The following ZNF654 variants were observed in gnomAD, a reference collection of about 807,000 sequenced individuals.
The protein encoded by ZNF654 is melanoma-associated antigen.
A neutral mutation model predicts 95.3 loss-of-function variants in ZNF654; 19 were observed. The observed-to-expected ratio is 0.20, with a 90% CI of 0.14 to 0.29. The LOEUF (loss-of-function observed/expected upper bound fraction) is 0.29. Among genes scored for constraint, ZNF654 ranks in the 10% least tolerant of loss-of-function variants. ZNF654 has a pLI of 1.00. For missense variants in ZNF654, 1,046 were observed against 1,341.0 expected (o/e 0.78, Z 3.44); for synonymous variants, 413 against 457.9 (o/e 0.90, Z 1.25).
In ZNF654 at chr3:88,135,170, A is replaced by G. The variant is rs777076314; in HGVS notation, c.1003A>G (p.Ile335Val). ...AAGAACAGCAACTAATGTGAGAGTC[A>G]TATTTCCTTTCATGAAAATCATCAA... is the stretch of plus-strand genomic sequence containing the variant. ...LLRTATNVRVIFPFMKIIKDE... is the reference protein window; with the variant it reads ...LLRTATNVRVVFPFMKIIKDE... The change falls in exon 7 of 9, where the codon ATA (isoleucine) becomes GTA (valine). Residue 335 changes from isoleucine to valine, a missense_variant. Physicochemically the swap from Ile to Val is conservative, Grantham distance 29 (BLOSUM62 3). Coordinates refer to ENST00000636215, the MANE Select transcript of ZNF654 (RefSeq NM_001350134.2). 7.4e-6 allele frequency: 11 copies of G among 1,482,026 alleles called. No homozygotes were observed. The Middle Eastern group carries it at 6.8e-4, about 92-fold the overall frequency. The allele number at this position is 1,482,026 out of a possible 1,614,324, so 91.8% of individuals were successfully genotyped here.
At position 88,129,822 on chromosome 3, in the gene ZNF654, A is replaced by G. The variant is rs1370630515; in HGVS notation, c.889A>G (p.Ile297Val). Residue 297 changes from isoleucine to valine, a missense_variant, in exon 6 of 9, where the codon ATC (isoleucine) becomes GTC (valine). Coordinates refer to ENST00000636215, the MANE Select transcript of ZNF654 (RefSeq NM_001350134.2). ...GCTCCAGAATGGGGATATGTACTGT[A>G]TCTGGTAAGTGTTTGTAAATAAAGA... ...PQLQNGDMYC[I>V]WELIFIWSKL... 76 of 1,463,432 alleles carry G rather than the reference A, an allele frequency of 5.2e-5. No individual in the cohort carries two copies. In the East Asian group the frequency reaches 8.5e-4, roughly 16 times the overall value. The allele number at this position is 1,463,432 out of a possible 1,614,324, so 90.7% of individuals were successfully genotyped here.
intron 1 of ZNF654, among the ~76,000 whole-genome samples, chr3:88,077,855 G>A (rs1028723068): frequency 1.3e-5 from 2 of 152,164 alleles, no homozygotes; most frequent in African/African-American, 4.8e-5. Context: ...TTGTTTTTTA[G>A]TGTAGAAGTA....
At chr3:88,116,927 A>T (rs1705444643) in intron 3 of ZNF654, among the ~76,000 whole-genome samples, 1 of 152,208 alleles carries the variant, frequency 6.6e-6, no homozygotes, top group Non-Finnish European at 1.5e-5. Context: ...CTAGGTAAAG[A>T]TGACTAAAGA....
chr3:88,130,146 A>G (rs1006587875), intron 6 of ZNF654, among the ~76,000 whole-genome samples: 2 of 152,192 alleles, frequency 1.3e-5, no homozygotes, highest in African/African-American at 4.8e-5. Context: ...AGGTTTACCT[A>G]GCAATCATGT....
intron 3 of ZNF654, among the ~76,000 whole-genome samples, chr3:88,124,380 T>C (rs1030437467): frequency 6.6e-5 from 10 of 152,344 alleles, no homozygotes; most frequent in East Asian, 1.9e-4. Context: ...TTAGAAGATA[T>C]TTATTTTCAT....
chr3:88,088,748 G>A (rs200026142), intron 2 of ZNF654, among the ~76,000 whole-genome samples: 2 of 79,694 alleles, frequency 2.5e-5, no homozygotes, highest in African/African-American at 8.2e-5. Flanking sequence ...CTTTATTTAT[G>A]TATGTATGTA....
At chr3:88,070,230 C>G (rs1042206299) in intron 1 of ZNF654, among the ~76,000 whole-genome samples, 6 of 152,036 alleles carry the variant, frequency 3.9e-5, no homozygotes, top group Admixed American at 3.3e-4. Context: ...GGACACAATA[C>G]TATTCTTCAT....
intron 4 of ZNF654, among the ~76,000 whole-genome samples, chr3:88,127,868 A>G (rs1431298868): frequency 6.6e-6 from 1 of 152,208 alleles, no homozygotes; most frequent in Non-Finnish European, 1.5e-5. Context: ...GGGAAAGACC[A>G]GAGTGAAGTT....
intron 1 of ZNF654, among the ~76,000 whole-genome samples, chr3:88,060,526 C>A (rs1365214830): frequency 6.6e-6 from 1 of 152,116 alleles, no homozygotes; most frequent in East Asian, 1.9e-4. Context: ...TTTTAAAATG[C>A]GTCCATTAAT....
intron 1 of ZNF654, among the ~76,000 whole-genome samples, chr3:88,084,824 C>G (rs1459425741): frequency 6.6e-6 from 1 of 152,206 alleles, no homozygotes; most frequent in East Asian, 1.9e-4. Context: ...AAGTCTCATA[C>G]AGTTGACATG....
At chr3:88,121,336 T>G (rs572849549) in intron 3 of ZNF654, among the ~76,000 whole-genome samples, 1 of 152,250 alleles carries the variant, frequency 6.6e-6, no homozygotes, top group African/African-American at 2.4e-5. Flanking sequence ...CTTAAGTTTT[T>G]TAATGGCATA....
chr3:88,080,282 A>G (rs1357232856), intron 1 of ZNF654, among the ~76,000 whole-genome samples: 4 of 152,132 alleles, frequency 2.6e-5, no homozygotes, highest in Non-Finnish European at 4.4e-5. Flanking sequence ...TGGAAACATA[A>G]TGAACCAGTT....
intron 6 of ZNF654, among the ~76,000 whole-genome samples, chr3:88,134,103 TA>T (rs749235741): frequency 2.6e-3 from 364 of 141,922 alleles, no homozygotes; most frequent in Middle Eastern, 3.6e-3. Flanking sequence ...GAGTGTGAGT[TA>T]AAAAAAAAAA....
chr3:88,063,820 A>G (rs894080253), intron 1 of ZNF654, among the ~76,000 whole-genome samples: 4 of 152,056 alleles, frequency 2.6e-5, no homozygotes, highest in Admixed American at 6.5e-5. Flanking sequence ...CTTACTAGTC[A>G]TCCTTGTCTT....
At chr3:88,118,139 C>CGTTA (rs1705524426) in intron 3 of ZNF654, among the ~76,000 whole-genome samples, 1 of 152,090 alleles carries the variant, frequency 6.6e-6, no homozygotes, top group Admixed American at 6.6e-5. Flanking sequence ...CCTGCCCTGA[C>CGTTA]GTTAGAGAAA....
chr3:88,107,801 A>G (rs1404473944), intron 2 of ZNF654, among the ~76,000 whole-genome samples: 1 of 151,974 alleles, frequency 6.6e-6, no homozygotes, highest in East Asian at 1.9e-4. Flanking sequence ...TTATTTCTGG[A>G]AGCATTTTGA....
In ZNF654 at chr3:88,139,971, A is replaced by G; in HGVS notation, c.2302A>G (p.Met768Val). 6.2e-7 allele frequency: 1 copy of G among 1,613,822 alleles called. No individual in the cohort carries two copies. Among genetic ancestry groups the G allele is most frequent in the Non-Finnish European group, 8.5e-7 (1 of 1,179,800 alleles). ...KRIGFLNKHA[M>V]TVHPTDLNVR... ...AATTGGGTTTCTAAATAAACATGCA[A>G]TGACCGTACATCCAACCGATTTAAA... is the stretch of plus-strand genomic sequence containing the variant. The change falls in exon 8 of 9, where the codon ATG becomes GTG. Residue 768 changes from methionine (M) to valine (V), a missense_variant. By Grantham distance (21) the Met-to-Val change is conservative. Coordinates refer to ENST00000636215, the MANE Select transcript of ZNF654 (RefSeq NM_001350134.2).
rs1197977457 is a variant in ZNF654, at chr3:88,142,815, G to GTT, written c.*1164_*1165insTT. The GTT allele has an allele frequency of 6.6e-6, 1 of 152,060 alleles. No homozygotes were observed. The highest frequency in any genetic ancestry group is 1.5e-5 in the Non-Finnish European group (1 of 67,768). 9.4% of individuals were successfully genotyped at this position (152,060 alleles called of 1,614,324 possible). A position where few individuals can be genotyped will look rare whatever the true frequency, so the allele number is the denominator to read the frequency against. On this transcript the variant is annotated 3_prime_UTR_variant, in exon 9 of 9. Transcript: ENST00000636215. ...CACAAAACATTTGCACAAGAACACA[G>GTT]TAAGAGATACATTCAAGCATTGTTT...
rs1435899069 is a variant in ZNF654, at chr3:88,144,402, T to C, written c.*2750T>C. On this transcript the variant is annotated 3_prime_UTR_variant, in exon 9 of 9. Transcript: ENST00000636215. ...AGTGTTTATTTTTTAATTTATTTGG[T>C]ACTGTAAAACACCTTTTCAGAATGA... 6.6e-6 allele frequency: 1 copy of C among 152,438 alleles called. No individual in the cohort carries two copies. The highest frequency in any genetic ancestry group is 1.5e-5 in the Non-Finnish European group (1 of 67,878). The allele number at this position is 152,438 out of a possible 1,614,324, so 9.4% of individuals were successfully genotyped here.
Sources: gnomAD v4.1 joint callset for allele counts (sites outside exome capture counted in the v4.1 genomes callset) on GRCh38, gnomAD v4.1.1 for gene constraint, MANE v1.5 for transcripts, NCBI Gene and HGNC (gene_info 2026-07-23, HGNC 2026-07-21) for gene names.